Variants in SLC4A7 observed in about 807,000 individuals in gnomAD.
SLC4A7 encodes the protein sodium bicarbonate cotransporter 3.
In SLC4A7, 51 loss-of-function variants were observed where a neutral mutation model predicts 137.6. The ratio of observed to expected loss-of-function variants is 0.37; its 90% CI spans 0.30 to 0.47. The LOEUF is 0.47. Ranked by LOEUF, SLC4A7 falls within the 20% of genes least tolerant of loss-of-function variation. The pLI is 1.00. For synonymous variants in SLC4A7, 542 were observed against 518.6 expected, an observed-to-expected ratio of 1.05 and a Z score of -0.61; for missense variants, 1,247 against 1,525.4, an observed-to-expected ratio of 0.82 and a Z score of 3.04.
intron 12 of SLC4A7, among the ~76,000 whole-genome samples, chr3:27,411,083 T>A (rs1330127487): frequency 6.6e-6 from 1 of 152,178 alleles, no homozygotes; most frequent in Non-Finnish European, 1.5e-5. Context: ...TTCTACAAAA[T>A]ATTAAGGCAA....
At chr3:27,391,551 A>T (rs1234088955) in intron 21 of SLC4A7, among the ~76,000 whole-genome samples, 189 bp downstream of exon 21, 1 of 152,080 alleles carries the variant, frequency 6.6e-6, no homozygotes, top group Non-Finnish European at 1.5e-5. Context: ...TCATGATCTC[A>T]CTCTCTGGAG....
intron 1 of SLC4A7, among the ~76,000 whole-genome samples, chr3:27,477,815 G>A (rs560435975): frequency 7.2e-5 from 11 of 152,024 alleles, no homozygotes; most frequent in Admixed American, 2.6e-4. Flanking sequence ...GGGTTTCACC[G>A]TGTTGCCCAG....
At chr3:27,421,000 A>T (rs1386854793) in intron 9 of SLC4A7, among the ~76,000 whole-genome samples, 1 of 151,840 alleles carries the variant, frequency 6.6e-6, no homozygotes, top group East Asian at 2.0e-4. Flanking sequence ...TTAACTACCA[A>T]ATCAACCTTC....
chr3:27,422,971 T>A, intron 8 of SLC4A7: 3 of 312,884 alleles, frequency 9.6e-6, no homozygotes, highest in South Asian at 8.4e-5. Context: ...ATTATATTAA[T>A]TTATTCATTT....
rs1417938261 is a variant in SLC4A7, at chr3:27,483,805, T to C, written c.60+262A>G. 5.3e-5 allele frequency among the ~76,000 whole-genome samples: 8 copies of C among 151,830 alleles called. No homozygotes were observed. The South Asian group carries it at 1.2e-3, about 24-fold the overall frequency. ...TCTGCGGGGATGTCGGGGTCCCGCC[T>C]GAGCCGCGCAGAGGATGCCCGCGGC... On this transcript the variant is annotated intron_variant, in intron 1 of 25. Coordinates refer to ENST00000454389, the MANE Select transcript of SLC4A7 (RefSeq NM_001321103.2).
At chr3:27,477,957 GAAATA>G (rs2059534184) in intron 1 of SLC4A7, among the ~76,000 whole-genome samples, 1 of 152,066 alleles carries the variant, frequency 6.6e-6, no homozygotes, top group South Asian at 2.1e-4. Flanking sequence ...TTTCTGTAAC[GAAATA>G]AAAGAGGCAT....
chr3:27,409,094 T>C (rs1414358597), intron 13 of SLC4A7, among the ~76,000 whole-genome samples: 1 of 152,198 alleles, frequency 6.6e-6, no homozygotes, highest in East Asian at 1.9e-4. Context: ...CCAAGCCTTT[T>C]ACTCAATTTA....
At chr3:27,392,524 C>G (rs2051674443) in intron 20 of SLC4A7, among the ~76,000 whole-genome samples, 1 of 152,136 alleles carries the variant, frequency 6.6e-6, no homozygotes, top group African/African-American at 2.4e-5. Flanking sequence ...AAAAAGAAAA[C>G]AGTTTACGAA....
chr3:27,471,306 C>A (rs1472658037), intron 1 of SLC4A7, among the ~76,000 whole-genome samples: 1 of 152,144 alleles, frequency 6.6e-6, no homozygotes, highest in Admixed American at 6.6e-5. Flanking sequence ...TGGGGTATAT[C>A]CTTCCTGAAT....
intron 24 of SLC4A7, among the ~76,000 whole-genome samples, chr3:27,380,698 C>T (rs974714855): frequency 3.9e-5 from 6 of 152,268 alleles, no homozygotes; most frequent in Non-Finnish European, 8.8e-5. Context: ...TGAAGAGAAG[C>T]GTGAGGAGGT....
Position 27,378,158 on chromosome 3 carries a change from C to G in SLC4A7, c.3698+1091G>C, listed in dbSNP as rs148621048. ...AAGATCAAAGACAGAAGAAAGGAAA[C>G]AGCCAGCTGAGAAATTAGAACTCAG... On this transcript the variant is annotated intron_variant, in intron 25 of 25. Coordinates refer to ENST00000454389, the MANE Select transcript of SLC4A7 (RefSeq NM_001321103.2). Among the ~76,000 whole-genome samples, 695 of 152,164 alleles carry G rather than the reference C, an allele frequency of 4.6e-3. 2 individuals are homozygous for G. Among genetic ancestry groups the G allele is most frequent in the African/African-American group, 0.016 (661 of 41,522 alleles).
At chr3:27,464,687 C>T (rs981242737) in intron 1 of SLC4A7, among the ~76,000 whole-genome samples, 36 of 151,722 alleles carry the variant, frequency 2.4e-4, no homozygotes, top group African/African-American at 7.7e-4. Context: ...AGCGGGACTC[C>T]GTCTCAAAAA....
At chr3:27,461,653 A>T (rs534298362) in intron 1 of SLC4A7, among the ~76,000 whole-genome samples, 2 of 152,022 alleles carry the variant, frequency 1.3e-5, no homozygotes, top group Admixed American at 1.3e-4. Flanking sequence ...ATGGTATATA[A>T]AAATGGATTA....
chr3:27,433,408 C>T (rs1445729902), intron 6 of SLC4A7, among the ~76,000 whole-genome samples: 2 of 152,192 alleles, frequency 1.3e-5, no homozygotes, highest in African/African-American at 4.8e-5. Context: ...TGCAAAAACA[C>T]TGTCTTCCCA....
chr3:27,405,585 G>T (rs980617215), intron 13 of SLC4A7, among the ~76,000 whole-genome samples: 1 of 152,098 alleles, frequency 6.6e-6, no homozygotes, highest in African/African-American at 2.4e-5. Flanking sequence ...ATAATATGGT[G>T]CTACAAAAAA....
At chr3:27,377,498 T>C (rs1476613317) in intron 25 of SLC4A7, among the ~76,000 whole-genome samples, 1 of 152,162 alleles carries the variant, frequency 6.6e-6, no homozygotes, top group East Asian at 1.9e-4. Flanking sequence ...GTTCAAGTGA[T>C]TCTCCTGCCC....
intron 11 of SLC4A7, among the ~76,000 whole-genome samples, chr3:27,414,995 A>T (rs1397067899): frequency 1.3e-5 from 2 of 152,196 alleles, no homozygotes; most frequent in African/African-American, 4.8e-5. Flanking sequence ...GGTGCCTTCA[A>T]CGGTGTAATC....
intron 18 of SLC4A7, among the ~76,000 whole-genome samples, chr3:27,396,865 A>C (rs2052223724): frequency 6.6e-6 from 1 of 152,194 alleles, no homozygotes; most frequent in South Asian, 2.1e-4. Context: ...TGAAAGCAGA[A>C]AATTCAAATG....
intron 1 of SLC4A7, among the ~76,000 whole-genome samples, chr3:27,465,289 C>CAAAAAAAA (rs11329798): frequency 1.2e-5 from 1 of 84,704 alleles, no homozygotes; most frequent in African/African-American, 4.6e-5. Context: ...GACTCCGTCT[C>CAAAAAAAA]AAAAAAAAAA....
Sources: allele counts gnomAD v4.1 joint callset (sites outside exome capture counted in the v4.1 genomes callset), GRCh38; gene constraint gnomAD v4.1.1; transcripts MANE v1.5; gene names NCBI Gene and HGNC (gene_info 2026-07-23, HGNC 2026-07-21).